UBAC1: variants seen among roughly 807,000 people sequenced by gnomAD.
UBAC1 encodes ubiquitin-associated domain-containing protein 1.
Under a neutral mutation model 45.9 loss-of-function variants are expected in UBAC1, and 27 were observed. The observed-to-expected ratio is 0.59, with a 90% CI of 0.43 to 0.81. UBAC1 has a LOEUF of 0.81. Ranked by LOEUF, UBAC1 falls within the 30% of genes least tolerant of loss-of-function variation. The probability of loss-of-function intolerance (pLI) is 0.00; values close to 1 mark genes in which losing one functional copy is unlikely to be tolerated. For missense variants in UBAC1, 529 were observed against 539.2 expected, an observed-to-expected ratio of 0.98 and a Z score of 0.19; for synonymous variants, 227 against 215.5, an observed-to-expected ratio of 1.05 and a Z score of -0.47.
At chr9:135,943,695 T>C (rs774663698) in intron 7 of UBAC1, among the ~76,000 whole-genome samples, 6 of 152,068 alleles carry the variant, frequency 3.9e-5, no homozygotes, top group African/African-American at 7.3e-5. Flanking sequence ...AGCAAAGACA[T>C]AGAATCAACT....
chr9:135,956,419 T>C (rs1439662732), intron 1 of UBAC1, among the ~76,000 whole-genome samples: 1 of 152,176 alleles, frequency 6.6e-6, no homozygotes, highest in Non-Finnish European at 1.5e-5. Flanking sequence ...ACACGGGGGC[T>C]AGGCGCGTCG....
At chr9:135,945,711 G>A in intron 6 of UBAC1, 178 bp downstream of exon 6, 1 of 601,810 alleles carries the variant, frequency 1.7e-6, no homozygotes. Flanking sequence ...CGACTGTTCT[G>A]TCACATTCAC....
rs183825299 is a variant in UBAC1 at position 135,945,041 on chromosome 9, C to G, written c.863G>C (p.Arg288Pro). 6.8e-6 allele frequency: 11 copies of G among 1,613,592 alleles called. No individual in the cohort carries two copies. The Admixed American group carries it at 1.3e-4, about 20-fold the overall frequency. The change falls in exon 7 of 10, where the codon CGG becomes CCG. Residue 288 changes from arginine (R) to proline (P), a missense_variant. Coordinates refer to ENST00000371756, the MANE Select transcript of UBAC1 (RefSeq NM_016172.3). ...AGTAACACATACCCGAGCATCAGCC[C>G]GAAACTCCCTTTTCCTCCGGATCTT... ...FKKIRRKREFRADARAVISLM... is the reference protein window; with the variant it reads ...FKKIRRKREFPADARAVISLM...
intron 3 of UBAC1, chr9:135,948,189 C>A (rs912359328): frequency 8.2e-6 from 3 of 365,640 alleles, no homozygotes; most frequent in African/African-American, 4.2e-5. Flanking sequence ...GGGACCGTGG[C>A]AGGGCTGGGG....
At chr9:135,937,067 A>G (rs1839209632) in intron 9 of UBAC1, among the ~76,000 whole-genome samples, 1 of 152,238 alleles carries the variant, frequency 6.6e-6, no homozygotes, top group African/African-American at 2.4e-5. Flanking sequence ...CTTCTGAAAG[A>G]AGGCCAGCCT....
At chr9:135,947,306 C>T (rs1027948378) in intron 4 of UBAC1, among the ~76,000 whole-genome samples, 3 of 151,730 alleles carry the variant, frequency 2.0e-5, no homozygotes, top group Admixed American at 6.6e-5. Flanking sequence ...GGCTGGAGTA[C>T]GATGATGCAA....
At chr9:135,954,985 G>A (rs143445227) in intron 2 of UBAC1, among the ~76,000 whole-genome samples, 3,597 of 152,248 alleles carry the variant, frequency 0.024, 51 homozygotes, top group African/African-American at 0.024. Flanking sequence ...TCACCACAAC[G>A]AAGGTGAAAC....
Position 135,936,025 on chromosome 9 carries a change from C to CAA in UBAC1, c.1102+2195_1102+2196dup, listed in dbSNP as rs558643918. 3.8e-3 allele frequency among the ~76,000 whole-genome samples: 233 copies of CAA among 61,266 alleles called. 1 individual carries two copies. The highest frequency in any genetic ancestry group is 6.8e-3 in the African/African-American group (108 of 15,782). 40.2% of individuals were successfully genotyped at this position (61,266 alleles called of 152,430 possible). On this transcript the variant is annotated intron_variant, in intron 9 of 9. Coordinates refer to ENST00000371756, the MANE Select transcript of UBAC1 (RefSeq NM_016172.3). ...TGGGTGACAGAGCGAGATTCCATCT[C>CAA]AAAAAAAAAAAAAAAAAGAGGAATA...
chr9:135,950,736 A>G (rs1564198179), intron 3 of UBAC1, among the ~76,000 whole-genome samples: 1 of 152,218 alleles, frequency 6.6e-6, no homozygotes, highest in Admixed American at 6.5e-5. Flanking sequence ...TGGTCATTCA[A>G]GGAATAATAA....
intron 9 of UBAC1, among the ~76,000 whole-genome samples, chr9:135,935,666 T>C (rs915965411): frequency 6.6e-6 from 1 of 151,036 alleles, no homozygotes; most frequent in Non-Finnish European, 1.5e-5. Context: ...ATGACACGCA[T>C]AGACAGTATG....
chr9:135,958,022 A>AC (rs1254605952), intron 1 of UBAC1, among the ~76,000 whole-genome samples: 2 of 137,500 alleles, frequency 1.5e-5, no homozygotes, highest in African/African-American at 5.5e-5. Flanking sequence ...CACACCAAAA[A>AC]CTCTACTGCA....
In UBAC1 at chr9:135,957,500, G is replaced by A. The variant is rs79351196; in HGVS notation, c.139-2085C>T. On this transcript the variant is annotated intron_variant, in intron 1 of 9. Coordinates refer to ENST00000371756, the MANE Select transcript of UBAC1 (RefSeq NM_016172.3). ...CACCAGGAACAACACGGAAGCACTAGGACGACCGTGTCACTCTGCTTCTTT... is the reference window on the plus strand; with the variant it reads ...CACCAGGAACAACACGGAAGCACTAAGACGACCGTGTCACTCTGCTTCTTT... Among the ~76,000 whole-genome samples, 130 of 152,248 alleles carry A rather than the reference G, an allele frequency of 8.5e-4. 2 individuals carry two copies. In the East Asian group the frequency reaches 0.022, roughly 25 times the overall value.
At chr9:135,940,303 G>A (rs2131082983) in intron 7 of UBAC1, among the ~76,000 whole-genome samples, 1 of 152,062 alleles carries the variant, frequency 6.6e-6, no homozygotes, top group Admixed American at 6.5e-5. Context: ...CCTAGGGCCG[G>A]GCGCGGTGGC....
chr9:135,946,769 C>A (rs1238499822), intron 4 of UBAC1, among the ~76,000 whole-genome samples: 1 of 152,250 alleles, frequency 6.6e-6, no homozygotes, highest in South Asian at 2.1e-4. Flanking sequence ...GGCATGGCTG[C>A]CACACAGCGT....
intron 7 of UBAC1, among the ~76,000 whole-genome samples, chr9:135,942,925 A>T (rs536908128): frequency 6.6e-6 from 1 of 152,222 alleles, no homozygotes; most frequent in Non-Finnish European, 1.5e-5. Context: ...ATTTGTCTCA[A>T]TGGGATCTAA....
At chr9:135,960,633 A>G (rs1839522425) in intron 1 of UBAC1, among the ~76,000 whole-genome samples, 1 of 152,224 alleles carries the variant, frequency 6.6e-6, no homozygotes, top group African/African-American at 2.4e-5. Flanking sequence ...CAACTGCCGG[A>G]AAGTCCCGAG....
chr9:135,953,121 C>CTT (rs1196026941), intron 3 of UBAC1, among the ~76,000 whole-genome samples: 1 of 152,198 alleles, frequency 6.6e-6, no homozygotes, highest in Non-Finnish European at 1.5e-5. Context: ...ACCCTCCTCT[C>CTT]TGTCTCAGAA....
At chr9:135,956,878 T>C (rs1326283777) in intron 1 of UBAC1, among the ~76,000 whole-genome samples, 4 of 152,156 alleles carry the variant, frequency 2.6e-5, no homozygotes, top group Admixed American at 6.5e-5. Context: ...CTGGGCACTT[T>C]CTAAACCCGG....
intron 1 of UBAC1, among the ~76,000 whole-genome samples, chr9:135,957,318 G>A (rs1278636768): frequency 6.6e-6 from 1 of 152,134 alleles, no homozygotes; most frequent in Admixed American, 6.5e-5. Flanking sequence ...TTTGACAATG[G>A]CTCTGCTCCC....
Sources: gnomAD v4.1 joint callset for allele counts (sites outside exome capture counted in the v4.1 genomes callset) on GRCh38, gnomAD v4.1.1 for gene constraint, MANE v1.5 for transcripts, NCBI Gene and HGNC (gene_info 2026-07-23, HGNC 2026-07-21) for gene names.